Variants in DCAF1 observed in about 807,000 individuals in gnomAD.
The protein encoded by DCAF1 is DDB1 and CUL4 associated factor 1, also known as DDB1- and CUL4-associated factor 1.
Under a neutral mutation model 128.0 loss-of-function variants are expected in DCAF1, and 15 were observed. The ratio of observed to expected loss-of-function variants is 0.12; its 90% CI spans 0.08 to 0.18. The LOEUF is 0.18. DCAF1 is among the 10% of genes least tolerant of loss of function. DCAF1 has a pLI of 1.00. For missense variants in DCAF1, 988 were observed against 1,649.5 expected (o/e 0.60, Z 6.95); for synonymous variants, 610 against 603.0 (o/e 1.01, Z -0.17).
At chr3:51,460,017 C>T (rs1553644006) in intron 6 of DCAF1, among the ~76,000 whole-genome samples, 1 of 152,198 alleles carries the variant, frequency 6.6e-6, no homozygotes, top group East Asian at 1.9e-4. Context: ...TGCCCTCTCT[C>T]ACCACTCCTA....
At chr3:51,414,933 A>G in intron 18 of DCAF1, 76 bp from the exon 19 acceptor site, 1 of 1,508,854 alleles carries the variant, frequency 6.6e-7, no homozygotes, top group Non-Finnish European at 8.9e-7. Flanking sequence ...AAATGTGCAA[A>G]GCAGTTTCTA....
intron 7 of DCAF1, among the ~76,000 whole-genome samples, chr3:51,443,003 C>T (rs1226568293): frequency 6.6e-6 from 1 of 151,836 alleles, no homozygotes; most frequent in Non-Finnish European, 1.5e-5. Context: ...ATCTGTGCAG[C>T]AAATTACCAT....
chr3:51,443,052 C>T (rs918187374), intron 7 of DCAF1, among the ~76,000 whole-genome samples: 1 of 151,428 alleles, frequency 6.6e-6, no homozygotes, highest in Admixed American at 6.6e-5. Context: ...GCACATCCTG[C>T]AGAAGTACCC....
chr3:51,452,844 T>C (rs1039895160), intron 6 of DCAF1, among the ~76,000 whole-genome samples: 30 of 152,024 alleles, frequency 2.0e-4, no homozygotes, highest in Admixed American at 1.1e-3. Flanking sequence ...AAACCTCATC[T>C]CTAATAAAAA....
chr3:51,443,952 A>G (rs1701602999), intron 6 of DCAF1, 49 bp from the exon 7 acceptor site: 4 of 1,513,468 alleles, frequency 2.6e-6, no homozygotes, highest in African/African-American at 1.4e-5. Flanking sequence ...GCCCAAGTTC[A>G]TGATTAACAA....
chr3:51,436,795 G>C (rs188383786), intron 9 of DCAF1, among the ~76,000 whole-genome samples: 1 of 152,122 alleles, frequency 6.6e-6, no homozygotes, highest in Admixed American at 6.5e-5. Context: ...ACTCACTTGT[G>C]GGGAAAGAAC....
chr3:51,426,010 GTAA>G (rs1329185273), intron 13 of DCAF1, among the ~76,000 whole-genome samples: 1 of 152,072 alleles, frequency 6.6e-6, no homozygotes, highest in Non-Finnish European at 1.5e-5. Flanking sequence ...AGCTATTTTC[GTAA>G]TAATAAGATG....
Position 51,421,013 on chromosome 3 carries a change from A to T in DCAF1, c.1973-16T>A, listed in dbSNP as rs147164588. 9.4e-6 allele frequency: 15 copies of T among 1,592,536 alleles called. No homozygotes were observed. In the African/African-American group the frequency reaches 1.7e-4, roughly 19 times the overall value. On this transcript the variant is annotated splice_polypyrimidine_tract_variant and intron_variant, in intron 14 of 24. Transcript: ENST00000684031. ...ATGCTGATACCTAATGGGAAAAAAAATTATGTATTATTCACCATAAAACTA... is the reference window on the plus strand; with the variant it reads ...ATGCTGATACCTAATGGGAAAAAAATTTATGTATTATTCACCATAAAACTA...
rs371218271 is a variant in DCAF1, at chr3:51,441,508, A to G, written c.903T>C (p.Asn301=). ...AGGGAGACATTTCTGACCAACTGCT[A>G]TTAGACAGCTCAACAAACATGCGAT... The part of the protein sequence containing the change: ...DPDRMFVELS[N]SSWSEMSPWV... The change falls in exon 8 of 25, where the codon AAT becomes AAC. Residue 301 remains asparagine, a synonymous_variant. Transcript: ENST00000684031. 3.1e-5 allele frequency: 50 copies of G among 1,613,896 alleles called. No individual in the cohort carries two copies. Among genetic ancestry groups the G allele is most frequent in the Non-Finnish European group, 3.4e-5 (40 of 1,179,896 alleles).
intron 1 of DCAF1, among the ~76,000 whole-genome samples, chr3:51,497,595 G>GA (rs1306471283): frequency 2.0e-5 from 3 of 149,336 alleles, no homozygotes; most frequent in South Asian, 2.1e-4. Context: ...TCAAAAAAAA[G>GA]AAAAAAAAAT....
At chr3:51,500,413 C>G (rs1456891608), upstream of DCAF1, among the ~76,000 whole-genome samples, 1 of 152,156 alleles carries the variant, frequency 6.6e-6, no homozygotes, top group Non-Finnish European at 1.5e-5. Context: ...GCGCAAAGAG[C>G]CTCTGTTTTA....
At chr3:51,473,019 G>A (rs1704942163) in intron 3 of DCAF1, among the ~76,000 whole-genome samples, 1 of 150,254 alleles carries the variant, frequency 6.7e-6, no homozygotes, top group Non-Finnish European at 1.5e-5. Context: ...GCTCATGCCT[G>A]TAATCCCAAC....
At chr3:51,442,623 CG>C (rs1415026352) in intron 7 of DCAF1, among the ~76,000 whole-genome samples, 1 of 151,786 alleles carries the variant, frequency 6.6e-6, no homozygotes, top group Non-Finnish European at 1.5e-5. Flanking sequence ...CACTTGAACC[CG>C]GAAGGTGGAG....
chr3:51,492,632 T>G (rs994928733), intron 2 of DCAF1, among the ~76,000 whole-genome samples: 1 of 152,166 alleles, frequency 6.6e-6, no homozygotes, highest in Non-Finnish European at 1.5e-5. Flanking sequence ...GACTGTAGTT[T>G]AAGAAATGAG....
chr3:51,491,764 G>C (rs1248676905), intron 2 of DCAF1, among the ~76,000 whole-genome samples: 3 of 152,112 alleles, frequency 2.0e-5, no homozygotes, highest in African/African-American at 7.2e-5. Flanking sequence ...AGAACTGCTT[G>C]AATCCAGGAG....
chr3:51,443,723 C>T (rs370163146), intron 7 of DCAF1, 43 bp downstream of exon 7: 1 of 1,536,916 alleles, frequency 6.5e-7, no homozygotes, highest in Non-Finnish European at 8.7e-7. Flanking sequence ...CCTGTGAATA[C>T]TCTCCCATTT....
Position 51,420,897 on chromosome 3 carries a change from G to A in DCAF1, c.2073C>T (p.Gly691=). The A allele has an allele frequency of 6.2e-7, 1 of 1,613,986 alleles. No individual in the cohort carries two copies. The highest frequency in any genetic ancestry group is 1.3e-5 in the African/African-American group (1 of 75,028). ...CAATACTGGATATTCGGTTATCTGG[G>A]CCACACACACAATTGATGATAATCT... ...ALQIIINCVC[G]PDNRISSIGK... The change falls in exon 15 of 25, where the codon GGC becomes GGT. Residue 691 remains glycine, a synonymous_variant. Transcript: ENST00000684031. This position sits in a 1 kb window ranked among gnomAD's most constrained non-coding sequence, Gnocchi z 6.5.
In DCAF1 at chr3:51,413,965, T is replaced by C; in HGVS notation, c.3916A>G (p.Thr1306Ala). Residue 1306 changes from threonine (T) to alanine (A), a missense_variant, in exon 20 of 25, where the codon ACA becomes GCA. By Grantham distance (58) the Thr-to-Ala change is moderately conservative (BLOSUM62 0). This residue lies in a region of DCAF1 where 85 missense variants were observed against 204.6 expected (regional missense o/e 0.42). Coordinates refer to ENST00000684031, the MANE Select transcript of DCAF1 (RefSeq NM_001387579.1). The stretch of plus-strand genomic sequence containing the variant: ...GGTTTATTACCTCCATACATCACTG[T>C]TCCCGTGTGATTGAACACCACGCGA... ...QCRVVFNHTG[T>A]VMYGAMLQAD... 1 of 1,592,094 alleles carries C rather than the reference T, an allele frequency of 6.3e-7. No homozygotes were observed. Among genetic ancestry groups the C allele is most frequent in the South Asian group, 1.2e-5 (1 of 85,806 alleles).
chr3:51,481,384 T>A, intron 3 of DCAF1, among the ~76,000 whole-genome samples: 1 of 152,136 alleles, frequency 6.6e-6, no homozygotes, highest in East Asian at 1.9e-4. Context: ...AATGGGCCAG[T>A]CAAGACATGA....
Sources: allele counts gnomAD v4.1 joint callset (sites outside exome capture counted in the v4.1 genomes callset), GRCh38; gene constraint gnomAD v4.1.1; regional missense constraint gnomAD v4.1.1; non-coding constraint Gnocchi (gnomAD v3.1); transcripts MANE v1.5; gene names NCBI Gene and HGNC (gene_info 2026-07-23, HGNC 2026-07-21).